The following PHIP variants were observed in gnomAD, a reference collection of about 807,000 sequenced individuals.
PHIP encodes PHIP subunit of CUL4-Ring ligase complex.
Under a neutral mutation model 236.8 loss-of-function variants are expected in PHIP, and 54 were observed. The ratio of observed to expected loss-of-function variants is 0.23; its 90% CI spans 0.18 to 0.29. PHIP has a LOEUF of 0.29. PHIP is among the 10% of genes least tolerant of loss of function. The pLI, the probability that PHIP is intolerant of heterozygous loss-of-function variation, is 1.00. For missense variants in PHIP, 1,370 were observed against 2,190.8 expected, an observed-to-expected ratio of 0.63 and a Z score of 7.48; for synonymous variants, 756 against 718.9, an observed-to-expected ratio of 1.05 and a Z score of -0.83.
chr6:78,967,374 T>TTATGACCC (rs1193417004), intron 27 of PHIP, among the ~76,000 whole-genome samples: 1 of 152,164 alleles, frequency 6.6e-6, no homozygotes, highest in African/African-American at 2.4e-5. Flanking sequence ...GAGCTGTATC[T>TTATGACCC]TATGACCCTA....
At chr6:79,027,195 A>G (rs1348042872) in intron 7 of PHIP, among the ~76,000 whole-genome samples, 1 of 152,164 alleles carries the variant, frequency 6.6e-6, no homozygotes, top group East Asian at 1.9e-4. Context: ...CATACTGACA[A>G]TAAATATAAC....
At chr6:78,997,220 A>G (rs145719463) in intron 19 of PHIP, among the ~76,000 whole-genome samples, 194 bp downstream of exon 19, 15 of 152,278 alleles carry the variant, frequency 9.9e-5, no homozygotes, top group Admixed American at 3.9e-4. Flanking sequence ...TATCATTCTT[A>G]TCATTTACAT....
intron 31 of PHIP, among the ~76,000 whole-genome samples, chr6:78,958,871 T>C (rs554160950): frequency 1.1e-4 from 16 of 152,034 alleles, no homozygotes; most frequent in Admixed American, 1.3e-4. Flanking sequence ...AGAACGTCTA[T>C]ATGGGGAGTG....
In PHIP at chr6:79,016,577, C is replaced by T. The variant is rs1489138974; in HGVS notation, c.1202G>A (p.Ser401Asn). ...ACGAGTAGCCATATCCAACAAAATG[C>T]TCTTCCACTCTCTTCGTTTAAATTG... Reference protein sequence around the residue: ...IWQFKRREWKSILLDMATRPA... With the variant: ...IWQFKRREWKNILLDMATRPA... The change falls in exon 13 of 40, where the codon AGC (serine) becomes AAC (asparagine). Residue 401 changes from serine to asparagine, a missense_variant. By Grantham distance (46) the Ser-to-Asn change is conservative (BLOSUM62 1). Coordinates refer to ENST00000275034, the MANE Select transcript of PHIP (RefSeq NM_017934.7). 2.2e-5 allele frequency: 35 copies of T among 1,610,918 alleles called. No individual in the cohort carries two copies. Among genetic ancestry groups the T allele is most frequent in the Non-Finnish European group, 2.8e-5 (33 of 1,177,726 alleles).
chr6:79,009,972 T>G (rs550751304), intron 15 of PHIP, among the ~76,000 whole-genome samples: 3 of 151,426 alleles, frequency 2.0e-5, no homozygotes, highest in Non-Finnish European at 4.4e-5. Context: ...CCAAAGAAGC[T>G]GAAACATAGA....
chr6:78,990,784 C>CCATG (rs1390589313), intron 20 of PHIP, 84 bp downstream of exon 20: 1 of 687,360 alleles, frequency 1.5e-6, no homozygotes, highest in Admixed American at 2.6e-5. Context: ...GTTTATAATA[C>CCATG]CATGTTAAAT....
chr6:78,980,828 C>T (rs1768476864), intron 23 of PHIP, among the ~76,000 whole-genome samples: 1 of 151,938 alleles, frequency 6.6e-6, no homozygotes, highest in African/African-American at 2.4e-5. Flanking sequence ...AAAAGAAAGA[C>T]AGAAAAGTTT....
chr6:79,052,030 A>T (rs894933256), intron 6 of PHIP, among the ~76,000 whole-genome samples: 1 of 152,188 alleles, frequency 6.6e-6, no homozygotes, highest in African/African-American at 2.4e-5. Context: ...AAAAGAAAAG[A>T]CATGGTACTT....
intron 24 of PHIP, among the ~76,000 whole-genome samples, chr6:78,974,958 G>C (rs1268180386): frequency 6.6e-6 from 1 of 151,506 alleles, no homozygotes; most frequent in Non-Finnish European, 1.5e-5. Flanking sequence ...GGAGGAACTG[G>C]TACCATTCCT....
At chr6:78,945,212 GA>G in intron 39 of PHIP, 87 bp downstream of exon 39, 1 of 999,344 alleles carries the variant, frequency 1.0e-6, no homozygotes, top group Non-Finnish European at 1.6e-6. Flanking sequence ...TGGGCAACCT[GA>G]AAAGTGGATA....
intron 4 of PHIP, among the ~76,000 whole-genome samples, chr6:79,073,508 A>G (rs904912627): frequency 1.8e-4 from 27 of 152,194 alleles, no homozygotes; most frequent in African/African-American, 6.5e-4. Flanking sequence ...CAAGTGTTGA[A>G]ACTATGTTAT....
At chr6:78,945,826 C>G (rs943168376) in intron 38 of PHIP, 175 bp downstream of exon 38, 3 of 618,940 alleles carry the variant, frequency 4.8e-6, no homozygotes, top group Admixed American at 2.5e-5. Context: ...TGACCTAAAC[C>G]TCAATTTAAT....
intron 9 of PHIP, 46 bp downstream of exon 9, chr6:79,025,473 C>G: frequency 8.9e-7 from 1 of 1,124,104 alleles, no homozygotes. Context: ...CAATTTCACT[C>G]ATTAAACTAA....
chr6:78,983,361 A>T (rs1768667183), intron 22 of PHIP, among the ~76,000 whole-genome samples: 1 of 152,166 alleles, frequency 6.6e-6, no homozygotes, highest in Admixed American at 6.5e-5. Context: ...TTTAAGTGAA[A>T]AAACAAATTT....
chr6:78,971,160 G>C (rs1767516290), intron 24 of PHIP, among the ~76,000 whole-genome samples: 1 of 152,134 alleles, frequency 6.6e-6, no homozygotes, highest in African/African-American at 2.4e-5. Context: ...ATCAAAATAA[G>C]TTAATCTATG....
At chr6:78,969,773 A>C in intron 27 of PHIP, 62 bp downstream of exon 27, 1 of 737,744 alleles carries the variant, frequency 1.4e-6, no homozygotes, top group Non-Finnish European at 2.2e-6. Flanking sequence ...AAAAATAGTA[A>C]ATCACTTACT....
At chr6:79,015,934 T>TA (rs1770814762) in intron 13 of PHIP, 151 bp from the exon 14 acceptor site, 1 of 583,254 alleles carries the variant, frequency 1.7e-6, no homozygotes, top group East Asian at 3.0e-5. Context: ...GGAATGATGG[T>TA]AAAAATCCCT....
intron 27 of PHIP, 141 bp from the exon 28 acceptor site, chr6:78,966,197 G>GT: frequency 1.7e-6 from 1 of 589,656 alleles, no homozygotes; most frequent in Non-Finnish European, 3.1e-6. Flanking sequence ...CCAAAAATAA[G>GT]TAAGTACAAT....
At chr6:78,996,996 C>A (rs555254212) in intron 19 of PHIP, among the ~76,000 whole-genome samples, 210 of 150,458 alleles carry the variant, frequency 1.4e-3, no homozygotes, top group African/African-American at 4.9e-3. Flanking sequence ...TATATAAAAT[C>A]TTTTTGTATT....
Sources: allele counts gnomAD v4.1 joint callset (sites outside exome capture counted in the v4.1 genomes callset), GRCh38; gene constraint gnomAD v4.1.1; transcripts MANE v1.5; gene names NCBI Gene and HGNC (gene_info 2026-07-23, HGNC 2026-07-21).